Variants in SCOC observed in about 807,000 individuals in gnomAD.
SCOC encodes the protein short coiled coil protein.
In SCOC, 7 loss-of-function variants were observed where a neutral mutation model predicts 9.9. That is an observed-to-expected ratio of 0.71 (90% CI 0.40 to 1.33). The LOEUF (loss-of-function observed/expected upper bound fraction) is 1.33. SCOC is among the 40% of genes most tolerant of loss of function. SCOC has a pLI of 0.01. For synonymous variants in SCOC, 19 were observed against 28.2 expected, an observed-to-expected ratio of 0.67 and a Z score of 1.03; for missense variants, 66 against 89.7, an observed-to-expected ratio of 0.74 and a Z score of 1.07.
intron 1 of SCOC, among the ~76,000 whole-genome samples, chr4:140,297,408 G>A (rs1404778582): frequency 6.6e-6 from 1 of 152,028 alleles, no homozygotes; most frequent in African/African-American, 2.4e-5. Flanking sequence ...ACACAGAGTT[G>A]GCTCTATCCT....
At chr4:140,269,428 A>G (rs1349793063) in intron 1 of SCOC, among the ~76,000 whole-genome samples, 2 of 152,066 alleles carry the variant, frequency 1.3e-5, no homozygotes, top group African/African-American at 4.8e-5. Context: ...CGCTGAAGCC[A>G]CTACATTGGA....
intron 1 of SCOC, chr4:140,293,270 T>C (rs779023808): frequency 8.3e-5 from 38 of 456,252 alleles, no homozygotes; most frequent in South Asian, 5.7e-4. Context: ...CCACTCAAGA[T>C]GGGCTCCTCC....
At chr4:140,281,087 C>T (rs1169389591) in intron 1 of SCOC, among the ~76,000 whole-genome samples, 3 of 152,160 alleles carry the variant, frequency 2.0e-5, no homozygotes, top group African/African-American at 4.8e-5. Context: ...CATCCCATCT[C>T]ATCCTCTCTC....
At chr4:140,358,424 T>A (rs1043312250) in intron 2 of SCOC, among the ~76,000 whole-genome samples, 2 of 152,204 alleles carry the variant, frequency 1.3e-5, no homozygotes, top group African/African-American at 4.8e-5. Context: ...GCTCTAGAGT[T>A]GAAGTCCCTG....
intron 1 of SCOC, among the ~76,000 whole-genome samples, chr4:140,277,343 G>T (rs1466627979): frequency 6.6e-6 from 1 of 152,158 alleles, no homozygotes; most frequent in Non-Finnish European, 1.5e-5. Flanking sequence ...GGGAGCTGTT[G>T]TGAATCACCA....
At chr4:140,276,533 G>A (rs1730987576) in intron 1 of SCOC, among the ~76,000 whole-genome samples, 2 of 151,988 alleles carry the variant, frequency 1.3e-5, no homozygotes, top group Non-Finnish European at 2.9e-5. Context: ...GCACAAACTC[G>A]GCTCACTGCC....
intron 1 of SCOC, among the ~76,000 whole-genome samples, chr4:140,330,023 A>C (rs1364124393): frequency 6.6e-6 from 1 of 152,200 alleles, no homozygotes; most frequent in African/African-American, 2.4e-5. Context: ...TAGCAGCACA[A>C]TTTGCAATTG....
chr4:140,339,821 G>A (rs76719374), upstream of SCOC, among the ~76,000 whole-genome samples: 29,850 of 152,000 alleles, frequency 0.2, 3,803 homozygotes, highest in African/African-American at 0.35. Flanking sequence ...GAGAGGATGT[G>A]GAGAAATAGG....
At chr4:140,355,230 T>C (rs1372491424) in intron 2 of SCOC, among the ~76,000 whole-genome samples, 1 of 143,170 alleles carries the variant, frequency 7.0e-6, no homozygotes, top group East Asian at 2.0e-4. Flanking sequence ...TATATATATA[T>C]ATATATATAT....
At chr4:140,293,021 T>G (rs1453488414) in intron 1 of SCOC, among the ~76,000 whole-genome samples, 1 of 152,198 alleles carries the variant, frequency 6.6e-6, no homozygotes, top group Non-Finnish European at 1.5e-5. Flanking sequence ...ACTCTTAGCT[T>G]TTATCTGTAT....
At chr4:140,319,262 T>C (rs1732426773) in intron 1 of SCOC, among the ~76,000 whole-genome samples, 1 of 152,118 alleles carries the variant, frequency 6.6e-6, no homozygotes, top group Non-Finnish European at 1.5e-5. Flanking sequence ...TGGCTAATTT[T>C]ATATTTTTAG....
chr4:140,375,937 T>TGAAA (rs1728325284), intron 1 of SCOC, among the ~76,000 whole-genome samples: 1 of 152,206 alleles, frequency 6.6e-6, no homozygotes, highest in Non-Finnish European at 1.5e-5. Flanking sequence ...GTTCCCACGC[T>TGAAA]TGAGCAGACT....
At chr4:140,296,193 C>CA (rs1731631923) in intron 1 of SCOC, among the ~76,000 whole-genome samples, 2 of 152,104 alleles carry the variant, frequency 1.3e-5, no homozygotes, top group African/African-American at 4.8e-5. Flanking sequence ...AGGCGCATCA[C>CA]AGAGGGGTCT....
intron 1 of SCOC, among the ~76,000 whole-genome samples, chr4:140,312,394 C>G (rs1184674329): frequency 7.9e-5 from 12 of 152,146 alleles, no homozygotes. Flanking sequence ...CCAAGATTTA[C>G]ATATGTGATT....
At chr4:140,362,114 G>GT (rs1727501357) in intron 2 of SCOC, among the ~76,000 whole-genome samples, 2 of 108,686 alleles carry the variant, frequency 1.8e-5, no homozygotes, top group Non-Finnish European at 4.1e-5. Context: ...TTAGTTTTCT[G>GT]CCTTCACTGA....
chr4:140,380,883 G>T, intron 3 of SCOC, 79 bp from the exon 4 acceptor site: 1 of 1,127,756 alleles, frequency 8.9e-7, no homozygotes, highest in Non-Finnish European at 1.2e-6. Flanking sequence ...TTTCTTTTAA[G>T]AATGAATCCT....
At chr4:140,285,023 C>A in intron 1 of SCOC, 1 of 343,986 alleles carries the variant, frequency 2.9e-6, no homozygotes, top group South Asian at 2.4e-5. Context: ...ACGTCTTGCA[C>A]TTTCACTGTG....
At chr4:140,318,420 G>A (rs1316674143) in intron 1 of SCOC, among the ~76,000 whole-genome samples, 1 of 105,434 alleles carries the variant, frequency 9.5e-6, no homozygotes, top group Non-Finnish European at 1.8e-5. Context: ...GTGGGCGAGG[G>A]ACATGAACAG....
At chr4:140,363,369 A>T (rs1727655961) in intron 2 of SCOC, among the ~76,000 whole-genome samples, 1 of 152,242 alleles carries the variant, frequency 6.6e-6, no homozygotes, top group South Asian at 2.1e-4. Context: ...AATATAATGG[A>T]AAATTTTTTG....
Sources: allele counts gnomAD v4.1 joint callset (sites outside exome capture counted in the v4.1 genomes callset), GRCh38; gene constraint gnomAD v4.1.1; transcripts MANE v1.5; gene names NCBI Gene and HGNC (gene_info 2026-07-23, HGNC 2026-07-21).